The following DCHS2 variants were observed in gnomAD, a reference collection of about 807,000 sequenced individuals.
DCHS2 encodes the protein dachsous cadherin-related 2, also known as protocadherin-23.
DCHS2 carries 142 observed loss-of-function variants against 182.4 expected under a neutral mutation model. That is an observed-to-expected ratio of 0.78 (90% CI 0.68 to 0.89). DCHS2 has a LOEUF of 0.89. Among genes scored for constraint, DCHS2 ranks in the 40% least tolerant of loss-of-function variants. The pLI, the probability that DCHS2 is intolerant of heterozygous loss-of-function variation, is 0.00. For missense variants in DCHS2, 4,319 were observed against 4,198.6 expected, an observed-to-expected ratio of 1.03 and a Z score of -0.79; for synonymous variants, 1,740 against 1,663.3, an observed-to-expected ratio of 1.05 and a Z score of -1.12.
At chr4:154,322,545 A>C in intron 7 of DCHS2, 57 bp from the exon 8 acceptor site, 1 of 1,520,648 alleles carries the variant, frequency 6.6e-7, no homozygotes. Context: ...GAAAACAGAA[A>C]ATCAATTAAT....
intron 1 of DCHS2, among the ~76,000 whole-genome samples, chr4:154,408,454 T>C (rs1033106141): frequency 1.3e-5 from 2 of 152,234 alleles, no homozygotes; most frequent in African/African-American, 4.8e-5. Context: ...TACTGGCTTT[T>C]CCTAAAATAG....
chr4:154,374,025 A>T, intron 2 of DCHS2: 2 of 939,610 alleles, frequency 2.1e-6, no homozygotes, highest in Admixed American at 5.6e-5. Context: ...AAAAAAAAAA[A>T]CTTGCTTATA....
intron 4 of DCHS2, chr4:154,334,588 T>C (rs972362721): frequency 1.6e-5 from 5 of 305,562 alleles, no homozygotes; most frequent in Admixed American, 9.3e-5. Context: ...TGTGTGTTTT[T>C]GTGAGTGGGT....
intron 16 of DCHS2, among the ~76,000 whole-genome samples, chr4:154,250,224 A>G (rs1732285614): frequency 1.3e-5 from 2 of 152,098 alleles, no homozygotes; most frequent in Non-Finnish European, 2.9e-5. Flanking sequence ...CATATTTTGA[A>G]GTCTTCTTTC....
intron 13 of DCHS2, among the ~76,000 whole-genome samples, chr4:154,287,669 G>T (rs1734465524): frequency 6.6e-6 from 1 of 151,996 alleles, no homozygotes. Context: ...TTTAAGTAGA[G>T]ATGGGTTTCA....
intron 1 of DCHS2, among the ~76,000 whole-genome samples, chr4:154,422,504 C>T (rs1733154592): frequency 6.6e-6 from 1 of 152,182 alleles, no homozygotes. Context: ...TATCAGAACC[C>T]TGGGCTATTA....
At chr4:154,306,791 A>G (rs899277328) in intron 10 of DCHS2, among the ~76,000 whole-genome samples, 1 of 152,262 alleles carries the variant, frequency 6.6e-6, no homozygotes, top group South Asian at 2.1e-4. Context: ...GCTATATATT[A>G]TACATTTTTA....
intron 13 of DCHS2, among the ~76,000 whole-genome samples, chr4:154,295,847 C>A (rs902237470): frequency 1.3e-5 from 2 of 152,154 alleles, no homozygotes; most frequent in Non-Finnish European, 2.9e-5. Flanking sequence ...CACATGTGCC[C>A]AGCCTTACCA....
intron 1 of DCHS2, among the ~76,000 whole-genome samples, chr4:154,450,764 C>T (rs1183085915): frequency 6.6e-6 from 1 of 151,774 alleles, no homozygotes; most frequent in Non-Finnish European, 1.5e-5. Context: ...ACGCGGAAGG[C>T]AGAGGTTACA....
At chr4:154,334,660 G>T in intron 4 of DCHS2, 1 of 540,554 alleles carries the variant, frequency 1.8e-6, no homozygotes, top group South Asian at 2.6e-5. Flanking sequence ...TTTTTAAAAT[G>T]CCTATTATTT....
At chr4:154,394,253 T>C (rs1352243257) in intron 1 of DCHS2, among the ~76,000 whole-genome samples, 1 of 152,142 alleles carries the variant, frequency 6.6e-6, no homozygotes, top group Non-Finnish European at 1.5e-5. Flanking sequence ...ATTCTTGAAA[T>C]GCAATGCACT....
chr4:154,277,599 T>G (rs554023440), intron 13 of DCHS2, among the ~76,000 whole-genome samples: 1 of 135,458 alleles, frequency 7.4e-6, no homozygotes. Flanking sequence ...TCTAGAGAGG[T>G]GGTGATTTTT....
At position 154,334,927 on chromosome 4, in the gene DCHS2, A is replaced by T; in HGVS notation, c.2654T>A (p.Val885Asp). 1 of 1,614,196 alleles carries T rather than the reference A, an allele frequency of 6.2e-7. No individual in the cohort carries two copies. The highest frequency in any genetic ancestry group is 8.5e-7 in the Non-Finnish European group (1 of 1,180,038). Residue 885 changes from valine (V) to aspartate (D), a missense_variant, in exon 4 of 20, where the codon GTT becomes GAT. Coordinates refer to ENST00000357232, the MANE Select transcript of DCHS2 (RefSeq NM_001358235.2). ...EFERPKYTFL[V>D]YEDVPEDSPI... ...ACTATCTTCAGGCACATCTTCATAA[A>T]CTAAGAAAGTGTACTTAGGCCTTTC...
chr4:154,372,195 TG>T (rs1730677317), intron 2 of DCHS2, among the ~76,000 whole-genome samples: 1 of 151,748 alleles, frequency 6.6e-6, no homozygotes, highest in Admixed American at 6.6e-5. Flanking sequence ...CACGGGACAA[TG>T]GGGGGATGGG....
chr4:154,256,676 G>T (rs1560988910), intron 15 of DCHS2, among the ~76,000 whole-genome samples: 1 of 152,204 alleles, frequency 6.6e-6, no homozygotes. Context: ...CTTTTTACTT[G>T]TTTATATCTT....
intron 1 of DCHS2, among the ~76,000 whole-genome samples, chr4:154,381,934 T>C (rs1731187276): frequency 6.6e-6 from 1 of 152,070 alleles, no homozygotes; most frequent in Non-Finnish European, 1.5e-5. Flanking sequence ...TAAAAAACCA[T>C]TCTAAAATTC....
At chr4:154,458,060 A>G (rs1187078465) in intron 1 of DCHS2, among the ~76,000 whole-genome samples, 2 of 151,908 alleles carry the variant, frequency 1.3e-5, no homozygotes, top group Non-Finnish European at 2.9e-5. Context: ...TAATTCGGAT[A>G]CATTATTTTA....
rs978631080 is a variant in DCHS2, at chr4:154,490,462, C to T, written c.894G>A (p.Gln298=). The T allele has an allele frequency of 1.4e-5, 21 of 1,536,682 alleles. No homozygotes were observed. The African/African-American group carries it at 2.3e-4, about 17-fold the overall frequency. The change falls in exon 1 of 20, where the codon CAG becomes CAA. Residue 298 remains glutamine (Q), a synonymous_variant. Transcript: ENST00000357232. ...DENDNPPVFE[Q]DEYRAAVRED... ...CGCGCACCGCGGCGCGGTACTCGTC[C>T]TGCTCAAAGACCGGCGGGTTGTCGT...
intron 3 of DCHS2, among the ~76,000 whole-genome samples, chr4:154,339,042 G>A: frequency 6.6e-6 from 1 of 152,180 alleles, no homozygotes; most frequent in Non-Finnish European, 1.5e-5. Flanking sequence ...AATTGGCTGA[G>A]ATTATGAAGT....
Sources: allele counts gnomAD v4.1 joint callset (sites outside exome capture counted in the v4.1 genomes callset), GRCh38; gene constraint gnomAD v4.1.1; transcripts MANE v1.5; gene names NCBI Gene and HGNC (gene_info 2026-07-23, HGNC 2026-07-21).